Variants in MSI2 observed in about 807,000 individuals in gnomAD.
MSI2 encodes the protein RNA-binding protein Musashi homolog 2.
Under a neutral mutation model 45.6 loss-of-function variants are expected in MSI2, and 17 were observed. That is an observed-to-expected ratio of 0.37 (90% CI 0.26 to 0.56). The LOEUF (loss-of-function observed/expected upper bound fraction) is 0.56, where lower values mean the gene tolerates loss of function less well. Among genes scored for constraint, MSI2 ranks in the 20% least tolerant of loss-of-function variants. The probability of loss-of-function intolerance (pLI) is 0.77; values close to 1 mark genes in which losing one functional copy is unlikely to be tolerated. For missense variants in MSI2, 293 were observed against 444.2 expected, an observed-to-expected ratio of 0.66 and a Z score of 3.06; for synonymous variants, 156 against 158.2, an observed-to-expected ratio of 0.99 and a Z score of 0.11.
intron 6 of MSI2, among the ~76,000 whole-genome samples, chr17:57,443,235 C>T (rs2084833024): frequency 6.6e-6 from 1 of 152,190 alleles, no homozygotes; most frequent in Non-Finnish European, 1.5e-5. Context: ...GTGGAGCCCT[C>T]TGGAAGGTCT....
the MSI2 span, among the ~76,000 whole-genome samples, chr17:57,693,087 G>A: frequency 3.3e-5 from 5 of 151,674 alleles, no homozygotes; most frequent in Non-Finnish European, 5.9e-5. Context: ...CAGAATGTTT[G>A]ACCATTTGAT....
intron 9 of MSI2, chr17:57,616,741 A>G (rs151107922): frequency 4.3e-4 from 66 of 152,296 alleles, no homozygotes; most frequent in African/African-American, 1.5e-3. Context: ...CCTTAAAAGT[A>G]TCTCTGTCCG....
At chr17:57,458,260 C>T (rs2085155265) in intron 6 of MSI2, among the ~76,000 whole-genome samples, 1 of 152,080 alleles carries the variant, frequency 6.6e-6, no homozygotes, top group African/African-American at 2.4e-5. Context: ...ACCACCACGC[C>T]TGGCTAATTT....
intron 5 of MSI2, among the ~76,000 whole-genome samples, chr17:57,331,003 G>A (rs534227684): frequency 2.0e-5 from 3 of 151,898 alleles, no homozygotes; most frequent in East Asian, 3.9e-4. Context: ...CACCTCCTGG[G>A]TCCTAGTTCA....
chr17:57,461,478 CCTT>C (rs2085227089), intron 6 of MSI2, among the ~76,000 whole-genome samples: 1 of 151,806 alleles, frequency 6.6e-6, no homozygotes, highest in Non-Finnish European at 1.5e-5. Flanking sequence ...GGAAATTTCT[CCTT>C]CTGGGGCCCG....
At chr17:57,277,247 G>A (rs1490746902) in intron 5 of MSI2, among the ~76,000 whole-genome samples, 1 of 151,984 alleles carries the variant, frequency 6.6e-6, no homozygotes, top group Non-Finnish European at 1.5e-5. Flanking sequence ...TAATAGAGGC[G>A]GAGTTACGCC....
intron 6 of MSI2, among the ~76,000 whole-genome samples, chr17:57,472,897 CTTT>C (rs751901407): frequency 6.9e-6 from 1 of 145,262 alleles, no homozygotes. Context: ...TCTTTTCTTT[CTTT>C]TTTTTTTTTT....
intron 5 of MSI2, among the ~76,000 whole-genome samples, chr17:57,374,871 C>T (rs1304575872): frequency 6.6e-6 from 1 of 152,296 alleles, no homozygotes; most frequent in South Asian, 2.1e-4. Context: ...TTGGGATGTG[C>T]TTTAGGCAAG....
At chr17:57,466,234 C>T (rs1026373472) in intron 6 of MSI2, among the ~76,000 whole-genome samples, 3 of 152,208 alleles carry the variant, frequency 2.0e-5, no homozygotes, top group African/African-American at 7.2e-5. Context: ...GAATTTCTCC[C>T]CACTGGCCTT....
chr17:57,685,483 C>G (rs1411607047), downstream of MSI2: 2 of 152,200 alleles, frequency 1.3e-5, no homozygotes, highest in African/African-American at 4.8e-5. Context: ...GGTCCCTCCT[C>G]CAATTTCCTG....
intron 5 of MSI2, among the ~76,000 whole-genome samples, chr17:57,399,298 T>TA (rs1258105686): frequency 6.6e-6 from 1 of 152,218 alleles, no homozygotes; most frequent in African/African-American, 2.4e-5. Flanking sequence ...ATCCCAGCTT[T>TA]AAACACATGA....
intron 5 of MSI2, among the ~76,000 whole-genome samples, chr17:57,396,726 G>C (rs1240229111): frequency 6.6e-6 from 1 of 152,148 alleles, no homozygotes; most frequent in East Asian, 1.9e-4. Context: ...TACAGGTCTA[G>C]ATGCAGAACT....
intron 5 of MSI2, among the ~76,000 whole-genome samples, chr17:57,328,719 C>T (rs1488895614): frequency 6.6e-6 from 1 of 151,640 alleles, no homozygotes; most frequent in Non-Finnish European, 1.5e-5. Flanking sequence ...AGACAATGAA[C>T]ATCTTTGAAG....
chr17:57,375,022 A>C (rs779286648), intron 5 of MSI2, among the ~76,000 whole-genome samples: 1 of 152,156 alleles, frequency 6.6e-6, no homozygotes, highest in Non-Finnish European at 1.5e-5. Context: ...CTTCCTGGTC[A>C]TTGCCAGCTT....
At chr17:57,656,230 C>T (rs1911579774) in intron 11 of MSI2, among the ~76,000 whole-genome samples, 1 of 152,208 alleles carries the variant, frequency 6.6e-6, no homozygotes, top group African/African-American at 2.4e-5. Flanking sequence ...CCCGTTCCCC[C>T]AGTCCAGAAC....
rs374540833 is a variant in MSI2, at chr17:57,411,897, C to T, written c.405+10426C>T. Among the ~76,000 whole-genome samples, 14 of 152,086 alleles carry T rather than the reference C, an allele frequency of 9.2e-5. No individual in the cohort carries two copies. In the East Asian group the frequency reaches 2.5e-3, roughly 28 times the overall value. ...TGGCGGGCGCTTGTAATCCCAGCTA[C>T]TCAGAAGGCTGAGGCAGGAGAATTG... is the stretch of plus-strand genomic sequence containing the variant. On this transcript the variant is annotated intron_variant, in intron 6 of 13. Transcript: ENST00000284073.
At position 57,321,472 on chromosome 17, in the gene MSI2, A is replaced by G. The variant is rs180900720; in HGVS notation, c.312+59280A>G. On this transcript the variant is annotated intron_variant, in intron 5 of 13. Transcript: ENST00000284073. The stretch of plus-strand genomic sequence containing the variant: ...CTAGCACTCTAGCCTTCCGTCCCAA[A>G]TAATAGTTATGGAAATGCCTCGGCT... Among the ~76,000 whole-genome samples the G allele has an allele frequency of 7.9e-4, 121 of 152,250 alleles. 3 individuals carry two copies. Among genetic ancestry groups the G allele is most frequent in the Admixed American group, 4.4e-3 (68 of 15,292 alleles).
Position 57,322,633 on chromosome 17 carries a change from C to T in MSI2, c.312+60441C>T, listed in dbSNP as rs190601025. On this transcript the variant is annotated intron_variant, in intron 5 of 13. Coordinates refer to ENST00000284073, the MANE Select transcript of MSI2 (RefSeq NM_138962.4). ...TACCACTCACTCAAACCAGGAGCTGCATCCCTGGCCGTCAGATTTGTGCTT... is the reference window on the plus strand; with the variant it reads ...TACCACTCACTCAAACCAGGAGCTGTATCCCTGGCCGTCAGATTTGTGCTT... 9.8e-5 allele frequency among the ~76,000 whole-genome samples: 15 copies of T among 152,298 alleles called. No homozygotes were observed. In the East Asian group the frequency reaches 2.3e-3, roughly 24 times the overall value.
intron 6 of MSI2, among the ~76,000 whole-genome samples, chr17:57,504,907 G>A (rs2086194387): frequency 6.6e-6 from 1 of 151,264 alleles, no homozygotes; most frequent in East Asian, 1.9e-4. Context: ...CTCCAGCCTG[G>A]GCAACAAAAG....
Sources: allele counts gnomAD v4.1 joint callset (sites outside exome capture counted in the v4.1 genomes callset), GRCh38; gene constraint gnomAD v4.1.1; transcripts MANE v1.5; gene names NCBI Gene and HGNC (gene_info 2026-07-23, HGNC 2026-07-21).